TMEM178B: variants seen among roughly 807,000 people sequenced by gnomAD.
The protein encoded by TMEM178B is transmembrane protein 178B.
In TMEM178B, 5 loss-of-function variants were observed where a neutral mutation model predicts 31.0. The observed-to-expected ratio is 0.16, with a 90% CI of 0.08 to 0.34. The LOEUF is 0.34. Ranked by LOEUF, TMEM178B falls within the 10% of genes least tolerant of loss-of-function variation. The probability of loss-of-function intolerance (pLI) is 1.00; values close to 1 mark genes in which losing one functional copy is unlikely to be tolerated. For missense variants in TMEM178B, 275 were observed against 400.3 expected, an observed-to-expected ratio of 0.69 and a Z score of 2.67; for synonymous variants, 164 against 164.0, an observed-to-expected ratio of 1.00 and a Z score of 0.00.
intron 3 of TMEM178B, among the ~76,000 whole-genome samples, chr7:141,458,439 T>C (rs1366536693): frequency 6.6e-6 from 1 of 152,150 alleles, no homozygotes; most frequent in East Asian, 1.9e-4. Context: ...CTCAGAAGTG[T>C]ATCTTGAGAT....
the TMEM178B span, among the ~76,000 whole-genome samples, chr7:141,497,978 G>C: frequency 6.6e-6 from 1 of 152,146 alleles, no homozygotes; most frequent in African/African-American, 2.4e-5. Context: ...ATAACTGTGT[G>C]AGCTTGGGCA....
intron 3 of TMEM178B, among the ~76,000 whole-genome samples, chr7:141,463,117 C>G (rs999413372): frequency 2.0e-5 from 3 of 152,178 alleles, no homozygotes; most frequent in Non-Finnish European, 4.4e-5. Context: ...GGTGCCATCC[C>G]TTCTTCTAAG....
chr7:141,108,548 G>A (rs906503991), intron 1 of TMEM178B, among the ~76,000 whole-genome samples: 4 of 152,202 alleles, frequency 2.6e-5, no homozygotes, highest in African/African-American at 9.6e-5. Context: ...ATTGAAGGAT[G>A]CAAGATCATC....
chr7:141,081,758 AT>A (rs1395342674), intron 1 of TMEM178B, among the ~76,000 whole-genome samples: 1 of 152,214 alleles, frequency 6.6e-6, no homozygotes, highest in East Asian at 1.9e-4. Context: ...AAAGAAAAAT[AT>A]TTTGTATAGT....
At chr7:141,396,452 G>T (rs375187982) in intron 2 of TMEM178B, among the ~76,000 whole-genome samples, 3 of 152,162 alleles carry the variant, frequency 2.0e-5, no homozygotes, top group Non-Finnish European at 2.9e-5. Flanking sequence ...GGCATTTGCC[G>T]CCTTGAAGGT....
At chr7:141,279,576 T>C (rs1214181050) in intron 2 of TMEM178B, among the ~76,000 whole-genome samples, 2 of 152,188 alleles carry the variant, frequency 1.3e-5, no homozygotes, top group Non-Finnish European at 2.9e-5. Context: ...GCTGGCCACC[T>C]TTGTTCTAGG....
chr7:141,184,517 G>A (rs1244374414), intron 1 of TMEM178B, among the ~76,000 whole-genome samples: 1 of 152,152 alleles, frequency 6.6e-6, no homozygotes, highest in African/African-American at 2.4e-5. Context: ...CCAACTTTGA[G>A]GGTCTCCTGC....
intron 2 of TMEM178B, among the ~76,000 whole-genome samples, chr7:141,354,215 T>G (rs1271195898): frequency 6.6e-6 from 1 of 152,194 alleles, no homozygotes; most frequent in African/African-American, 2.4e-5. Flanking sequence ...ATATATGATT[T>G]GAGTATGAAT....
chr7:141,087,462 T>C (rs1398782295), intron 1 of TMEM178B, among the ~76,000 whole-genome samples: 2 of 152,086 alleles, frequency 1.3e-5, no homozygotes, highest in Non-Finnish European at 2.9e-5. Context: ...GCCACTAAAG[T>C]CACTTTTTCA....
At chr7:141,295,522 C>T (rs916745546) in intron 2 of TMEM178B, among the ~76,000 whole-genome samples, 2 of 152,128 alleles carry the variant, frequency 1.3e-5, no homozygotes, top group African/African-American at 4.8e-5. Flanking sequence ...GTGCATTTAG[C>T]TCAGGGTCTG....
chr7:141,502,860 G>C, the TMEM178B span, among the ~76,000 whole-genome samples: 1 of 152,124 alleles, frequency 6.6e-6, no homozygotes, highest in Non-Finnish European at 1.5e-5. Flanking sequence ...AGCACTTACT[G>C]GGTGCTAGGT....
intron 2 of TMEM178B, among the ~76,000 whole-genome samples, chr7:141,420,595 C>T (rs1358126614): frequency 1.3e-5 from 2 of 152,232 alleles, no homozygotes; most frequent in East Asian, 3.9e-4. Context: ...TCAATCTTTA[C>T]AGGTTACTAA....
chr7:141,302,719 C>T (rs1798749699), intron 2 of TMEM178B, among the ~76,000 whole-genome samples: 1 of 152,166 alleles, frequency 6.6e-6, no homozygotes, highest in African/African-American at 2.4e-5. Flanking sequence ...GCCAACAAAA[C>T]TTATCTACTA....
At chr7:141,098,545 G>A (rs186428847) in intron 1 of TMEM178B, among the ~76,000 whole-genome samples, 84 of 152,292 alleles carry the variant, frequency 5.5e-4, no homozygotes, top group African/African-American at 1.8e-3. Flanking sequence ...CAGCTTTACA[G>A]TTTACTATCT....
chr7:141,297,267 G>A (rs1461792700), intron 2 of TMEM178B: 1 of 152,198 alleles, frequency 6.6e-6, no homozygotes, highest in Non-Finnish European at 1.5e-5. Flanking sequence ...AGGAATGAAT[G>A]GGTAACAGTG....
chr7:141,464,216 A>C (rs1181501960), intron 3 of TMEM178B, among the ~76,000 whole-genome samples: 1 of 152,208 alleles, frequency 6.6e-6, no homozygotes, highest in African/African-American at 2.4e-5. Flanking sequence ...TACTGTCTGC[A>C]GAAACCCTGT....
chr7:141,388,142 G>C (rs527348520), intron 2 of TMEM178B, among the ~76,000 whole-genome samples: 109 of 152,298 alleles, frequency 7.2e-4, no homozygotes, highest in Admixed American at 1.2e-3. Context: ...ATTTCAGCTT[G>C]AGCATGGTAT....
intron 2 of TMEM178B, among the ~76,000 whole-genome samples, chr7:141,216,423 C>CTG (rs575369422): frequency 0.083 from 7,464 of 89,392 alleles, 628 homozygotes; most frequent in African/African-American, 0.21. Flanking sequence ...AGGATGAAGC[C>CTG]TGTGTGTGTG....
At chr7:141,339,155 G>A (rs1799474160) in intron 2 of TMEM178B, among the ~76,000 whole-genome samples, 1 of 152,164 alleles carries the variant, frequency 6.6e-6, no homozygotes, top group Admixed American at 6.5e-5. Flanking sequence ...CTATAGCGAA[G>A]TTCCCTGGGG....
Sources: allele counts gnomAD v4.1 joint callset (sites outside exome capture counted in the v4.1 genomes callset), GRCh38; gene constraint gnomAD v4.1.1; transcripts MANE v1.5; gene names NCBI Gene and HGNC (gene_info 2026-07-23, HGNC 2026-07-21).